Variants in GPR155 observed in about 807,000 individuals in gnomAD.
GPR155 encodes the protein G protein-coupled receptor 155, also known as lysosomal cholesterol signaling protein.
GPR155 carries 65 observed loss-of-function variants against 93.1 expected under a neutral mutation model. That is an observed-to-expected ratio of 0.70 (90% CI 0.57 to 0.86). GPR155 has a LOEUF of 0.86. Among genes scored for constraint, GPR155 ranks in the 40% least tolerant of loss-of-function variants. GPR155 has a pLI of 0.00. For missense variants in GPR155, 838 were observed against 1,034.8 expected, an observed-to-expected ratio of 0.81 and a Z score of 2.61; for synonymous variants, 319 against 360.1, an observed-to-expected ratio of 0.89 and a Z score of 1.29.
chr2:174,478,573 T>TGA (rs1688232888), intron 2 of GPR155, among the ~76,000 whole-genome samples: 1 of 152,224 alleles, frequency 6.6e-6, no homozygotes, highest in African/African-American at 2.4e-5. Context: ...TAATACATCA[T>TGA]TTTAATGTAA....
chr2:174,457,276 C>A (rs570240875), intron 10 of GPR155, among the ~76,000 whole-genome samples: 3 of 152,162 alleles, frequency 2.0e-5, no homozygotes, highest in Non-Finnish European at 4.4e-5. Context: ...TGCTCCACTG[C>A]GCTCCAGCCT....
chr2:174,475,596 C>CAT (rs972354158), intron 2 of GPR155, among the ~76,000 whole-genome samples: 10 of 152,012 alleles, frequency 6.6e-5, no homozygotes, highest in Non-Finnish European at 1.0e-4. Flanking sequence ...TATTTGATTA[C>CAT]ATAAAACTTT....
rs1386203243 is a variant in GPR155 at position 174,434,232 on chromosome 2, A to G, written c.*1884T>C. 6.6e-6 allele frequency: 1 copy of G among 151,498 alleles called. No homozygotes were observed. The highest frequency in any genetic ancestry group is 2.4e-5 in the African/African-American group (1 of 41,208). The allele number at this position is 151,498 out of a possible 1,614,324, so 9.4% of individuals were successfully genotyped here. On this transcript the variant is annotated 3_prime_UTR_variant, in exon 16 of 16. Coordinates refer to ENST00000392552, the MANE Select transcript of GPR155 (RefSeq NM_152529.7). ...GCAATTCACCTGCCTCGGCCTCCCA[A>G]AGTGCTGGGATTACAGGTATGAGTC...
At chr2:174,461,334 T>C (rs961487269) in intron 9 of GPR155, 68 bp downstream of exon 9, 43 of 903,532 alleles carry the variant, frequency 4.8e-5, no homozygotes, top group Non-Finnish European at 6.9e-5. Flanking sequence ...AATATAAGTC[T>C]AGCAAGGCAC....
chr2:174,475,380 T>G (rs571938218), intron 2 of GPR155, among the ~76,000 whole-genome samples: 1 of 151,628 alleles, frequency 6.6e-6, no homozygotes, highest in African/African-American at 2.4e-5. Flanking sequence ...AAAATACACT[T>G]GTTTACTTAC....
chr2:174,486,593 G>A (rs916367678), intron 1 of GPR155, among the ~76,000 whole-genome samples: 7 of 152,204 alleles, frequency 4.6e-5, no homozygotes, highest in South Asian at 2.1e-4. Flanking sequence ...GTGGACGCCC[G>A]TGCAGTGAGG....
chr2:174,454,842 A>G (rs551887955), intron 10 of GPR155, among the ~76,000 whole-genome samples: 6 of 35,378 alleles, frequency 1.7e-4, no homozygotes, highest in African/African-American at 4.7e-4. Context: ...GAAAGGAAGG[A>G]AAAGGAAGGA....
Position 174,465,834 on chromosome 2 carries a change from C to A in GPR155, c.1335G>T (p.Leu445Phe). The change falls in exon 7 of 16, where the codon TTG (leucine) becomes TTT (phenylalanine). Residue 445 changes from leucine to phenylalanine, a missense_variant. Leu to Phe is a conservative substitution (Grantham distance 22, BLOSUM62 0). This residue lies in a region of GPR155 where 663 missense variants were observed against 790.1 expected (regional missense o/e 0.84). Coordinates refer to ENST00000392552, the MANE Select transcript of GPR155 (RefSeq NM_152529.7). Reference sequence around the variant, plus strand: ...GGGAGCTGTACAATAGAACAAACACCAAAATTTGTCCAACAAAATTTTTTT... The same window carrying A: ...GGGAGCTGTACAATAGAACAAACACAAAAATTTGTCCAACAAAATTTTTTT... ...VKEKNFVGQI[L>F]VFVLLYSSLY... is the part of the protein sequence containing the mutation. 6.2e-7 allele frequency: 1 copy of A among 1,608,848 alleles called. No individual in the cohort carries two copies.
At chr2:174,442,040 TG>T in intron 14 of GPR155, 78 bp downstream of exon 14, 1 of 801,428 alleles carries the variant, frequency 1.2e-6, no homozygotes. Flanking sequence ...CCACCATGCA[TG>T]GCCCCATATC....
chr2:174,445,375 A>G, intron 12 of GPR155, 199 bp from the exon 13 acceptor site: 1 of 518,352 alleles, frequency 1.9e-6, no homozygotes, highest in Non-Finnish European at 3.4e-6. Flanking sequence ...TCATTCAAAC[A>G]GTTATCTATT....
At position 174,439,912 on chromosome 2, in the gene GPR155, A is replaced by G. The variant is rs1420425212; in HGVS notation, c.2298T>C (p.Ile766=). ...HYHRDLCIRN[I]VKERRCGAKT... The stretch of plus-strand genomic sequence containing the variant: ...ACTTTGCTTACCTTCTTTCTTTGAC[A>G]ATGTTTCGGATACAGAGGTCACGGT... Residue 766 remains isoleucine, a synonymous_variant, in exon 15 of 16, where the codon ATT becomes ATC. Transcript: ENST00000392552. 1 of 1,612,908 alleles carries G rather than the reference A, an allele frequency of 6.2e-7. No homozygotes were observed. The highest frequency in any genetic ancestry group is 8.5e-7 in the Non-Finnish European group (1 of 1,179,296).
At chr2:174,468,375 T>A (rs1184705334) in intron 5 of GPR155, among the ~76,000 whole-genome samples, 1 of 152,226 alleles carries the variant, frequency 6.6e-6, no homozygotes, top group African/African-American at 2.4e-5. Context: ...AGCTGTCATA[T>A]ACTTAATTAT....
At chr2:174,440,063 A>G in intron 14 of GPR155, 28 bp from the exon 15 acceptor site, 1 of 1,595,292 alleles carries the variant, frequency 6.3e-7, no homozygotes, top group Non-Finnish European at 8.6e-7. Flanking sequence ...GGCCATTTTT[A>G]AGGACAGAAA....
intron 4 of GPR155, among the ~76,000 whole-genome samples, chr2:174,469,564 A>G (rs1687934777): frequency 6.6e-6 from 1 of 152,220 alleles, no homozygotes; most frequent in African/African-American, 2.4e-5. Flanking sequence ...CAATACATTT[A>G]GACACTGTTA....
At chr2:174,467,123 C>CTAA (rs1436761935) in intron 5 of GPR155, among the ~76,000 whole-genome samples, 6 of 152,046 alleles carry the variant, frequency 3.9e-5, no homozygotes, top group Non-Finnish European at 8.8e-5. Flanking sequence ...CACCACTGCA[C>CTAA]TCTAGCCTGG....
chr2:174,461,976 C>T (rs562828980), intron 7 of GPR155, among the ~76,000 whole-genome samples: 13 of 152,238 alleles, frequency 8.5e-5, no homozygotes, highest in Non-Finnish European at 1.5e-4. Context: ...CACTCTGTTG[C>T]CCAGGCTGGA....
At chr2:174,456,160 G>A (rs900998354) in intron 10 of GPR155, among the ~76,000 whole-genome samples, 3 of 152,090 alleles carry the variant, frequency 2.0e-5, no homozygotes, top group Admixed American at 1.3e-4. Context: ...AATAATATAT[G>A]TGTAGACAGC....
In GPR155 at chr2:174,473,054, T is replaced by G; in HGVS notation, c.771A>C (p.Leu257=). The change falls in exon 3 of 16, where the codon CTA becomes CTC. Residue 257 remains leucine (L), a synonymous_variant. Coordinates refer to ENST00000392552, the MANE Select transcript of GPR155 (RefSeq NM_152529.7). The part of the protein sequence containing the change: ...GLGNSFSGSA[L]FYLGLTMVGK... ...CCACCATCGTGAGACCAAGATAAAA[T>G]AGGGCTGATCCAGAAAAAGAATTTC... The G allele has an allele frequency of 6.2e-7, 1 of 1,600,958 alleles. No homozygotes were observed. Among genetic ancestry groups the G allele is most frequent in the Non-Finnish European group, 8.5e-7 (1 of 1,176,982 alleles).
intron 14 of GPR155, among the ~76,000 whole-genome samples, chr2:174,441,133 G>C (rs1167239663): frequency 6.6e-6 from 1 of 151,760 alleles, no homozygotes; most frequent in East Asian, 1.9e-4. Flanking sequence ...TTTTGCAGTT[G>C]TTTATAACCT....
Sources: gnomAD v4.1 joint callset for allele counts (sites outside exome capture counted in the v4.1 genomes callset) on GRCh38, gnomAD v4.1.1 for gene constraint, gnomAD v4.1.1 regional missense constraint, MANE v1.5 for transcripts, NCBI Gene and HGNC (gene_info 2026-07-23, HGNC 2026-07-21) for gene names.